The following NPHP1 variants were observed in gnomAD, a reference collection of about 807,000 sequenced individuals.
NPHP1 encodes nephrocystin 1.
In NPHP1, 70 loss-of-function variants were observed where a neutral mutation model predicts 90.4. That is an observed-to-expected ratio of 0.77 (90% CI 0.64 to 0.95). The LOEUF (loss-of-function observed/expected upper bound fraction) is 0.95. Ranked by LOEUF, NPHP1 falls within the 40% of genes least tolerant of loss-of-function variation. NPHP1 has a pLI of 0.00. For synonymous variants in NPHP1, 256 were observed against 271.7 expected (o/e 0.94, Z 0.57); for missense variants, 764 against 795.9 (o/e 0.96, Z 0.48).
chr2:110,156,286 G>A (rs1681882611), intron 11 of NPHP1, among the ~76,000 whole-genome samples: 1 of 152,026 alleles, frequency 6.6e-6, no homozygotes, highest in Admixed American at 6.6e-5. Context: ...ATTCTCATGA[G>A]ATCTGATGGT....
intron 16 of NPHP1, 31 bp from the exon 17 acceptor site, chr2:110,131,822 G>C: frequency 7.8e-7 from 1 of 1,290,128 alleles, no homozygotes; most frequent in Non-Finnish European, 1.1e-6. Flanking sequence ...GTATTCATTA[G>C]ACAATCCCCT....
intron 16 of NPHP1, among the ~76,000 whole-genome samples, chr2:110,137,072 G>T (rs1348641368): frequency 6.6e-6 from 1 of 152,102 alleles, no homozygotes; most frequent in Non-Finnish European, 1.5e-5. Context: ...AAGCAATGGG[G>T]AAAGGATTCC....
intron 11 of NPHP1, among the ~76,000 whole-genome samples, chr2:110,159,051 T>C (rs1207915458): frequency 6.6e-6 from 1 of 152,018 alleles, no homozygotes; most frequent in African/African-American, 2.4e-5. Context: ...ATTTTTCTTA[T>C]GGCAAATTAT....
chr2:110,202,227 C>A, intron 1 of NPHP1: 1 of 262,984 alleles, frequency 3.8e-6, no homozygotes, highest in South Asian at 4.3e-5. Context: ...AATATACTCT[C>A]CAAAAAGGCA....
intron 4 of NPHP1, among the ~76,000 whole-genome samples, chr2:110,173,191 C>T (rs184194400): frequency 3.2e-4 from 49 of 152,072 alleles, no homozygotes; most frequent in South Asian, 8.3e-4. Context: ...CTCTTGACCT[C>T]GTGATTCGCC....
intron 19 of NPHP1, chr2:110,125,227 T>C: frequency 6.5e-7 from 1 of 1,535,340 alleles, no homozygotes; most frequent in South Asian, 1.2e-5. Flanking sequence ...ACCATGATTT[T>C]ATAGCAAGGT....
chr2:110,185,291 T>C, intron 2 of NPHP1: 1 of 410,854 alleles, frequency 2.4e-6, no homozygotes, highest in Admixed American at 2.8e-5. Flanking sequence ...TGCATGTGTG[T>C]ATACAAGTGT....
At chr2:110,150,419 T>C (rs1286259760) in intron 11 of NPHP1, among the ~76,000 whole-genome samples, 163 bp from the exon 12 acceptor site, 1 of 152,216 alleles carries the variant, frequency 6.6e-6, no homozygotes, top group African/African-American at 2.4e-5. Context: ...TTTCTTTTTA[T>C]ATCAGGTATG....
chr2:110,187,374 G>C lies in NPHP1; in HGVS notation c.144-7690C>G, dbSNP rs376255178. Among the ~76,000 whole-genome samples the C allele has an allele frequency of 2.3e-4, 35 of 152,226 alleles. No individual in the cohort carries two copies. The South Asian group carries it at 6.8e-3, about 30-fold the overall frequency. On this transcript the variant is annotated intron_variant, in intron 2 of 19. Transcript: ENST00000445609. ...CACAGAAATACAAACAATCAGCAGAGAATACTATAAACACCTCTATGCACA... is the reference window on the plus strand; with the variant it reads ...CACAGAAATACAAACAATCAGCAGACAATACTATAAACACCTCTATGCACA...
chr2:110,178,744 A>G, intron 3 of NPHP1, 197 bp from the exon 4 acceptor site: 1 of 561,766 alleles, frequency 1.8e-6, no homozygotes. Context: ...AAAAAATAAA[A>G]TTATACCACT....
chr2:110,176,343 C>A lies in NPHP1; in HGVS notation c.329+2080G>T, dbSNP rs186193018. ...ATTTGAATTAAATACACCCATTTCCCATTTCATTCATCTTTTCTTCTATTT... is the reference window on the plus strand; with the variant it reads ...ATTTGAATTAAATACACCCATTTCCAATTTCATTCATCTTTTCTTCTATTT... On this transcript the variant is annotated intron_variant, in intron 4 of 19. Coordinates refer to ENST00000445609, the MANE Select transcript of NPHP1 (RefSeq NM_001128178.3). Among the ~76,000 whole-genome samples, 94 of 151,928 alleles carry A rather than the reference C, an allele frequency of 6.2e-4. 1 individual carries two copies. In the Middle Eastern group the frequency reaches 0.01, roughly 16 times the overall value.
intron 4 of NPHP1, among the ~76,000 whole-genome samples, chr2:110,171,007 T>C (rs1477711735): frequency 6.6e-6 from 1 of 152,016 alleles, no homozygotes; most frequent in Non-Finnish European, 1.5e-5. Flanking sequence ...AAGGACATGA[T>C]ATGATTCCCA....
At chr2:110,200,301 C>T (rs1685485916) in intron 2 of NPHP1, among the ~76,000 whole-genome samples, 1 of 151,276 alleles carries the variant, frequency 6.6e-6, no homozygotes, top group Admixed American at 6.6e-5. Flanking sequence ...CAGTGGCTCA[C>T]ACCTATAATC....
At chr2:110,155,640 C>CA (rs1681836825) in intron 11 of NPHP1, among the ~76,000 whole-genome samples, 1 of 152,148 alleles carries the variant, frequency 6.6e-6, no homozygotes, top group Admixed American at 6.5e-5. Flanking sequence ...CATTTTGGAG[C>CA]TTTAAAATTT....
intron 4 of NPHP1, among the ~76,000 whole-genome samples, chr2:110,174,727 G>A (rs1020764051): frequency 3.3e-5 from 5 of 151,692 alleles, no homozygotes; most frequent in African/African-American, 9.7e-5. Flanking sequence ...AGCTGAACAT[G>A]GTGACACCTG....
At chr2:110,125,926 T>A in intron 18 of NPHP1, 1 of 541,392 alleles carries the variant, frequency 1.8e-6, no homozygotes, top group Admixed American at 3.1e-5. Context: ...AAAACTAACT[T>A]AAGAATAGAA....
chr2:110,158,620 C>T (rs147223761), intron 11 of NPHP1, among the ~76,000 whole-genome samples: 93 of 152,080 alleles, frequency 6.1e-4, no homozygotes, highest in African/African-American at 2.1e-3. Flanking sequence ...TTCTCTTAAG[C>T]TACCTATAGC....
At chr2:110,203,853 C>T (rs1341714425) in intron 1 of NPHP1, among the ~76,000 whole-genome samples, 2 of 150,406 alleles carry the variant, frequency 1.3e-5, no homozygotes, top group African/African-American at 2.4e-5. Context: ...AGGCTAGTCT[C>T]GAACTCCTGG....
chr2:110,184,629 C>A (rs770744123), intron 2 of NPHP1: 4 of 896,994 alleles, frequency 4.5e-6, no homozygotes, highest in Non-Finnish European at 7.4e-6. Flanking sequence ...GAACATCTCT[C>A]GCTTCCTGCA....
Sources: allele counts gnomAD v4.1 joint callset (sites outside exome capture counted in the v4.1 genomes callset), GRCh38; gene constraint gnomAD v4.1.1; transcripts MANE v1.5; gene names NCBI Gene and HGNC (gene_info 2026-07-23, HGNC 2026-07-21).